FDXR: variants seen among roughly 807,000 people sequenced by gnomAD.
FDXR encodes NADPH:adrenodoxin oxidoreductase, mitochondrial.
In FDXR, 38 loss-of-function variants were observed where a neutral mutation model predicts 58.3. The ratio of observed to expected loss-of-function variants is 0.65; its 90% confidence interval spans 0.50 to 0.85. The LOEUF is 0.85. FDXR is among the 40% of genes least tolerant of loss of function. The probability of loss-of-function intolerance (pLI) is 0.00; values close to 1 mark genes in which losing one functional copy is unlikely to be tolerated. For missense variants in FDXR, 624 were observed against 671.0 expected, an observed-to-expected ratio of 0.93 and a Z score of 0.77; for synonymous variants, 275 against 273.8, an observed-to-expected ratio of 1.00 and a Z score of -0.04.
intron 2 of FDXR, among the ~76,000 whole-genome samples, chr17:74,871,732 G>A (rs964927337): frequency 2.6e-5 from 4 of 152,192 alleles, no homozygotes; most frequent in Non-Finnish European, 5.9e-5. Flanking sequence ...AGATGAAGGA[G>A]GACAAAGTCA....
Position 74,864,927 on chromosome 17 carries a change from G to T in FDXR, c.614C>A (p.Thr205Lys). Residue 205 changes from threonine (T) to lysine (K), a missense_variant, in exon 7 of 12, where the codon ACG becomes AAG. Thr to Lys is a moderately conservative substitution (Grantham distance 78). Coordinates refer to ENST00000293195, the MANE Select transcript of FDXR (RefSeq NM_024417.5). ...ACCCAGGGCTGCCTTCGTGATGTCC[G>T]TTCTCTGGCACAAAAGGAGGGCCTT... is the stretch of plus-strand genomic sequence containing the variant. ...LLTPPEHLER[T>K]DITKAALGVL... The T allele has an allele frequency of 6.2e-7, 1 of 1,614,122 alleles. No individual in the cohort carries two copies. The highest frequency in any genetic ancestry group is 8.5e-7 in the Non-Finnish European group (1 of 1,179,994).
At position 74,872,991 on chromosome 17, in the gene FDXR, C is replaced by CT. The variant is rs1271673819; in HGVS notation, c.-48_-47insA. Reference sequence around the variant, plus strand: ...AGTGGATCTGTTCCTAGCTACTGCTCCGCAGGGCAAGCCCGCTCCTGCCCG... The same window carrying CT: ...AGTGGATCTGTTCCTAGCTACTGCTCTCGCAGGGCAAGCCCGCTCCTGCCCG... On this transcript the variant is annotated 5_prime_UTR_variant, in exon 1 of 12. Coordinates refer to ENST00000293195, the MANE Select transcript of FDXR (RefSeq NM_024417.5). The CT allele has an allele frequency of 6.6e-7, 1 of 1,515,398 alleles. No homozygotes were observed. The highest frequency in any genetic ancestry group is 8.9e-7 in the Non-Finnish European group (1 of 1,121,930). The allele number at this position is 1,515,398 out of a possible 1,614,324, so 93.9% of individuals were successfully genotyped here.
Position 74,864,562 on chromosome 17 carries a change from C to G in FDXR, c.720G>C (p.Glu240Asp). ...GPLQVAFTIK[E>D]LREMIQLPGA... ...CCGGTAACTGAATCATCTCCCGAAGCTCCTTGAAGGTGGGAGCAGGGAATG... is the reference window on the plus strand; with the variant it reads ...CCGGTAACTGAATCATCTCCCGAAGGTCCTTGAAGGTGGGAGCAGGGAATG... Residue 240 changes from glutamate to aspartate, a missense_variant and splice_region_variant, in exon 8 of 12, where the codon GAG (glutamate) becomes GAC (aspartate). By Grantham distance (45) the Glu-to-Asp change is conservative (BLOSUM62 2). Transcript: ENST00000293195. 6.2e-7 allele frequency: 1 copy of G among 1,613,842 alleles called. No individual in the cohort carries two copies. Among genetic ancestry groups the G allele is most frequent in the Non-Finnish European group, 8.5e-7 (1 of 1,179,820 alleles).
At position 74,864,249 on chromosome 17, in the gene FDXR, G is replaced by A. The variant is rs34118765; in HGVS notation, c.901C>T (p.Arg301Cys). ...AEAARQASASRAWGLRFFRSP... is the reference protein window; with the variant it reads ...AEAARQASASCAWGLRFFRSP... ...CGGAAAAAGCGGAGGCCCCAGGCAC[G>A]GGAGGCCGATGCCTGGCGGGCAGCT... Residue 301 changes from arginine to cysteine, a missense_variant, in exon 9 of 12, where the codon CGT (arginine) becomes TGT (cysteine). Transcript: ENST00000293195. 3.0e-4 allele frequency: 481 copies of A among 1,603,030 alleles called. 4 individuals carry two copies. In the East Asian group the frequency reaches 6.4e-3, roughly 21 times the overall value.
At chr17:74,863,850 G>T (rs200250097) in intron 10 of FDXR, 46 bp downstream of exon 10, 2 of 1,577,210 alleles carry the variant, frequency 1.3e-6, no homozygotes, top group Non-Finnish European at 1.7e-6. Context: ...CCAGCTTCTC[G>T]GCCTCTCACC....
chr17:74,866,655 C>T, intron 3 of FDXR, 87 bp from the exon 4 acceptor site: 1 of 1,600,974 alleles, frequency 6.2e-7, no homozygotes. Context: ...CTCTGTGTCC[C>T]CAGGAGGGAA....
intron 2 of FDXR, among the ~76,000 whole-genome samples, chr17:74,870,927 C>T (rs1598539147): frequency 6.6e-6 from 1 of 152,056 alleles, no homozygotes; most frequent in African/African-American, 2.4e-5. Flanking sequence ...CTCAGCCTCC[C>T]AAGTACCTGG....
intron 2 of FDXR, among the ~76,000 whole-genome samples, chr17:74,869,067 C>T (rs148748631): frequency 1.2e-3 from 178 of 152,264 alleles, no homozygotes; most frequent in African/African-American, 3.9e-3. Flanking sequence ...ATCAATCCCC[C>T]ATCCTCCCAG....
In FDXR at chr17:74,871,973, G is replaced by A. The variant is rs35079432; in HGVS notation, c.177+63C>T. ...AGGAGTGCTCTTAAAACCCAAAGCG[G>A]GTGAGGCTTGCCCTTAGGACTGGAG... On this transcript the variant is annotated intron_variant, in intron 2 of 11. Transcript: ENST00000293195. 1.6e-3 allele frequency: 2,058 copies of A among 1,323,954 alleles called. 12 individuals carry two copies. In the African/African-American group the frequency reaches 0.019, roughly 12 times the overall value. The allele number at this position is 1,323,954 out of a possible 1,614,324, so 82.0% of individuals were successfully genotyped here. A position where few individuals can be genotyped will look rare whatever the true frequency, so the allele number is the denominator to read the frequency against.
intron 4 of FDXR, 48 bp from the exon 5 acceptor site, chr17:74,866,292 C>A (rs564944791): frequency 1.3e-6 from 2 of 1,585,552 alleles, no homozygotes; most frequent in South Asian, 2.2e-5. Flanking sequence ...AGCACCAGCA[C>A]TGATAGGCCG....
rs771085930 is a variant in FDXR at position 74,862,833 on chromosome 17, C to A, written c.1460G>T (p.Arg487Leu). The A allele has an allele frequency of 1.9e-6, 3 of 1,611,156 alleles. No homozygotes were observed. The highest frequency in any genetic ancestry group is 2.2e-5 in the South Asian group (2 of 91,062). Residue 487 changes from arginine (R) to leucine (L), a missense_variant, in exon 12 of 12, where the codon CGC becomes CTC. Coordinates refer to ENST00000293195, the MANE Select transcript of FDXR (RefSeq NM_024417.5). ...EKLVDPQEML[R>L]LLGH is the part of the protein sequence containing the mutation. ...GGGCTGGGCTCAGTGGCCCAGGAGG[C>A]GCAGCATCTCCTGAGGATCCACCAG...
In FDXR at chr17:74,864,525, T is replaced by A; in HGVS notation, c.757A>T (p.Ile253Phe). The A allele has an allele frequency of 6.2e-7, 1 of 1,614,018 alleles. No homozygotes were observed. Among genetic ancestry groups the A allele is most frequent in the Non-Finnish European group, 8.5e-7 (1 of 1,179,984 alleles). The part of the protein sequence containing the change: ...EMIQLPGARP[I>F]LDPVDFLGLQ... Reference sequence around the variant, plus strand: ...CCCAAGAAATCCACAGGATCCAAAATGGGCCGGGCTCCCGGTAACTGAATC... The same window carrying A: ...CCCAAGAAATCCACAGGATCCAAAAAGGGCCGGGCTCCCGGTAACTGAATC... Residue 253 changes from isoleucine (I) to phenylalanine (F), a missense_variant, in exon 8 of 12, where the codon ATT becomes TTT. By Grantham distance (21) the Ile-to-Phe change is conservative (BLOSUM62 0). Transcript: ENST00000293195.
chr17:74,864,440 C>CT, intron 8 of FDXR, 40 bp downstream of exon 8: 1 of 1,609,986 alleles, frequency 6.2e-7, no homozygotes, highest in Non-Finnish European at 8.5e-7. Context: ...CTAGGCCACC[C>CT]TCTCCCTAGT....
In FDXR at chr17:74,872,905, A is replaced by T. The variant is rs1181513418; in HGVS notation, c.40T>A (p.Trp14Arg). The change falls in exon 1 of 12, where the codon TGG (tryptophan) becomes AGG (arginine). Residue 14 changes from tryptophan to arginine, a missense_variant. Trp to Arg is a moderately radical substitution (Grantham distance 101). Coordinates refer to ENST00000293195, the MANE Select transcript of FDXR (RefSeq NM_024417.5). ...GCGGGAGGCAGCCGGGTCCGAGGCC[A>T]CGCCGACCAGCCCCACCAGCGCCAG... ...RCWRWWGWSA[W>R]PRTRLPPAGS... 6.4e-7 allele frequency: 1 copy of T among 1,553,792 alleles called. No individual in the cohort carries two copies. The highest frequency in any genetic ancestry group is 1.4e-5 in the African/African-American group (1 of 73,582).
At position 74,862,826 on chromosome 17, in the gene FDXR, CAGG is replaced by C; in HGVS notation, c.1464_1466del (p.Leu489del). ...GGGGCTGGGGCTGGGCTCAGTGGCCCAGGAGGCGCAGCATCTCCTGAGGATCCA... is the reference window on the plus strand; with the variant it reads ...GGGGCTGGGGCTGGGCTCAGTGGCCCAGGCGCAGCATCTCCTGAGGATCCA... On this transcript the variant is annotated inframe_deletion, in exon 12 of 12. Transcript: ENST00000293195. 6.2e-7 allele frequency: 1 copy of C among 1,610,378 alleles called. No homozygotes were observed. Among genetic ancestry groups the C allele is most frequent in the Non-Finnish European group, 8.5e-7 (1 of 1,179,666 alleles).
intron 1 of FDXR, chr17:74,872,584 C>G: frequency 1.5e-6 from 1 of 682,554 alleles, no homozygotes; most frequent in South Asian, 1.9e-5. Flanking sequence ...TCCTCTCGCC[C>G]CACAGACCTC....
At chr17:74,867,016 A>G in intron 2 of FDXR, 140 bp from the exon 3 acceptor site, 3 of 1,479,634 alleles carry the variant, frequency 2.0e-6, no homozygotes, top group Non-Finnish European at 2.7e-6. Context: ...CTGCAAGGAA[A>G]AAGAGCACTC....
chr17:74,863,147 A>AG lies in FDXR; in HGVS notation c.1273dup (p.Leu425ProfsTer92). On this transcript the variant is annotated frameshift_variant, in exon 11 of 12. Transcript: ENST00000293195. LOFTEE classifies it high-confidence loss of function. ...GCCAGAGGGGAGCAACCCAGCCTTC[A>AG]GGTCCTGCAGCAGCATCTGGCCGGT... 6.2e-7 allele frequency: 1 copy of AG among 1,613,740 alleles called. No individual in the cohort carries two copies. The highest frequency in any genetic ancestry group is 8.5e-7 in the Non-Finnish European group (1 of 1,179,968).
intron 1 of FDXR, chr17:74,872,387 A>C: frequency 1.1e-6 from 1 of 916,938 alleles, no homozygotes; most frequent in Admixed American, 2.5e-5. Context: ...CTGCCCAACA[A>C]CACTTCATTC....
Sources: gnomAD v4.1 joint callset for allele counts (sites outside exome capture counted in the v4.1 genomes callset) on GRCh38, gnomAD v4.1.1 for gene constraint, MANE v1.5 for transcripts, NCBI Gene and HGNC (gene_info 2026-07-23, HGNC 2026-07-21) for gene names.